Variants in SFT2D2 observed in about 807,000 individuals in gnomAD.
SFT2D2 encodes SFT2 domain containing 2.
In SFT2D2, 21 loss-of-function variants were observed where a neutral mutation model predicts 27.4. That is an observed-to-expected ratio of 0.77 (90% confidence interval 0.54 to 1.10). The LOEUF is 1.10. Ranked by LOEUF, SFT2D2 falls within the 50% of genes least tolerant of loss-of-function variation. The pLI, the probability that SFT2D2 is intolerant of heterozygous loss-of-function variation, is 0.00. For missense variants in SFT2D2, 187 were observed against 194.2 expected (o/e 0.96, Z 0.22); for synonymous variants, 72 against 71.7 (o/e 1.00, Z -0.02).
At chr1:168,229,096 T>G (rs187480064) in intron 1 of SFT2D2, among the ~76,000 whole-genome samples, 174 of 152,194 alleles carry the variant, frequency 1.1e-3, no homozygotes, top group African/African-American at 4.0e-3. Context: ...CAGAGTAACA[T>G]TTGGATGGAT....
intron 1 of SFT2D2, among the ~76,000 whole-genome samples, chr1:168,228,790 C>G (rs190147178): frequency 1.1e-3 from 174 of 152,356 alleles, no homozygotes; most frequent in African/African-American, 4.0e-3. Flanking sequence ...GCCAGTCAGA[C>G]TGCCTGTGAG....
At chr1:168,241,274 G>C (rs2280992) in intron 7 of SFT2D2, among the ~76,000 whole-genome samples, 88,202 of 144,788 alleles carry the variant, frequency 0.61, 26,979 homozygotes, top group Non-Finnish European at 0.67. Context: ...GTGGCCCGAT[G>C]TCAGCTCACC....
At position 168,242,647 on chromosome 1, in the gene SFT2D2, C is replaced by A; in HGVS notation, c.*107C>A. The A allele has an allele frequency of 7.5e-7, 1 of 1,340,144 alleles. No homozygotes were observed. The highest frequency in any genetic ancestry group is 1.1e-6 in the Non-Finnish European group (1 of 932,178). The allele number at this position is 1,340,144 out of a possible 1,614,324, so 83.0% of individuals were successfully genotyped here. On this transcript the variant is annotated 3_prime_UTR_variant, in exon 8 of 8. Transcript: ENST00000271375. ...TGTCTTACAGACATGTGCCTTTTAT[C>A]TTGCAGCAATGTGTTGCTTGTGATT...
In SFT2D2 at chr1:168,235,143, G is replaced by C. The variant is rs1293859319; in HGVS notation, c.279G>C (p.Met93Ile). 1 of 1,614,080 alleles carries C rather than the reference G, an allele frequency of 6.2e-7. No homozygotes were observed. The highest frequency in any genetic ancestry group is 1.7e-5 in the Admixed American group (1 of 60,010). The change falls in exon 4 of 8, where the codon ATG becomes ATC. Residue 93 changes from methionine to isoleucine, a missense_variant. Physicochemically the swap from Met to Ile is conservative, Grantham distance 10 (BLOSUM62 1). Coordinates refer to ENST00000271375, the MANE Select transcript of SFT2D2 (RefSeq NM_199344.3). ...LMGPVKQLKR[M>I]FEPTRLIATI... Reference sequence around the variant, plus strand: ...GACCAGTGAAACAGCTGAAGCGAATGTTTGAGCCTACTCGTTTGATTGCAA... The same window carrying C: ...GACCAGTGAAACAGCTGAAGCGAATCTTTGAGCCTACTCGTTTGATTGCAA...
At position 168,243,482 on chromosome 1, in the gene SFT2D2, A is replaced by T. The variant is rs953616963; in HGVS notation, c.*942A>T. 6.6e-6 allele frequency: 1 copy of T among 152,212 alleles called. No individual in the cohort carries two copies. The highest frequency in any genetic ancestry group is 1.5e-5 in the Non-Finnish European group (1 of 68,070). 9.4% of individuals were successfully genotyped at this position (152,212 alleles called of 1,614,324 possible). A position where few individuals can be genotyped will look rare whatever the true frequency, so the allele number is the denominator to read the frequency against. ...GATCCCTGCTGTGCAGCCAGCAGGAAGTAGGCACGCCTGCCCAGTGACCTT... is the reference window on the plus strand; with the variant it reads ...GATCCCTGCTGTGCAGCCAGCAGGATGTAGGCACGCCTGCCCAGTGACCTT... On this transcript the variant is annotated 3_prime_UTR_variant, in exon 8 of 8. Coordinates refer to ENST00000271375, the MANE Select transcript of SFT2D2 (RefSeq NM_199344.3).
Position 168,226,016 on chromosome 1 carries a change from C to T in SFT2D2, c.-64C>T, listed in dbSNP as rs1214192080. On this transcript the variant is annotated 5_prime_UTR_variant, in exon 1 of 8. Transcript: ENST00000271375. ...GCGGCTGCCTAGCACCCGGAAGAGC[C>T]GTCAACTTAGCGAGCGCAACAGGCT... is the stretch of plus-strand genomic sequence containing the variant. 23 of 1,426,656 alleles carry T rather than the reference C, an allele frequency of 1.6e-5. No homozygotes were observed. The highest frequency in any genetic ancestry group is 2.0e-5 in the Non-Finnish European group (22 of 1,073,880). The allele number at this position is 1,426,656 out of a possible 1,614,324, so 88.4% of individuals were successfully genotyped here. A position where few individuals can be genotyped will look rare whatever the true frequency, so the allele number is the denominator to read the frequency against.
At position 168,249,775 on chromosome 1, in the gene SFT2D2, T is replaced by C. The variant is rs1163820788; in HGVS notation, c.*7235T>C. On this transcript the variant is annotated 3_prime_UTR_variant, in exon 8 of 8. Transcript: ENST00000271375. ...GGAATAACAGTTCCTGCTGGGTCAT[T>C]GCAAGATGTCAGTGAGACGTGTCAA... The C allele has an allele frequency of 6.6e-6, 1 of 152,418 alleles. No homozygotes were observed. Among genetic ancestry groups the C allele is most frequent in the Non-Finnish European group, 1.5e-5 (1 of 68,048 alleles). 9.4% of individuals were successfully genotyped at this position (152,418 alleles called of 1,614,324 possible).
At chr1:168,239,035 C>A in intron 6 of SFT2D2, 96 bp from the exon 7 acceptor site, 1 of 918,082 alleles carries the variant, frequency 1.1e-6, no homozygotes, top group Non-Finnish European at 1.8e-6. Context: ...CTGGATAGAT[C>A]ACTGCAGGTA....
intron 4 of SFT2D2, 48 bp downstream of exon 4, chr1:168,235,230 C>G: frequency 6.5e-7 from 1 of 1,543,830 alleles, no homozygotes; most frequent in Non-Finnish European, 9.0e-7. Flanking sequence ...GTTTTTATTT[C>G]TATTGTATAG....
intron 1 of SFT2D2, among the ~76,000 whole-genome samples, chr1:168,227,594 ATT>A (rs1700474883): frequency 6.6e-6 from 1 of 152,108 alleles, no homozygotes; most frequent in African/African-American, 2.4e-5. Context: ...TGTTGCCTTT[ATT>A]AATTGGTCAA....
chr1:168,234,152 C>T (rs568857780), intron 3 of SFT2D2, among the ~76,000 whole-genome samples: 2 of 152,274 alleles, frequency 1.3e-5, no homozygotes, highest in African/African-American at 2.4e-5. Flanking sequence ...AATTCCAGCA[C>T]TTTGGGAGGC....
At chr1:168,236,277 A>G (rs972961360) in intron 4 of SFT2D2, among the ~76,000 whole-genome samples, 3 of 152,234 alleles carry the variant, frequency 2.0e-5, no homozygotes, top group African/African-American at 7.2e-5. Flanking sequence ...TGTTAAGCTT[A>G]CTTTAGTGCA....
At chr1:168,232,993 G>A (rs1443560445) in intron 3 of SFT2D2, among the ~76,000 whole-genome samples, 1 of 152,130 alleles carries the variant, frequency 6.6e-6, no homozygotes. Flanking sequence ...CCACTGAGCT[G>A]TAGAGCCATT....
intron 1 of SFT2D2, among the ~76,000 whole-genome samples, chr1:168,227,284 GT>G (rs1700472420): frequency 6.6e-6 from 1 of 152,120 alleles, no homozygotes; most frequent in Non-Finnish European, 1.5e-5. Context: ...TTTAGCCTCC[GT>G]TCCCCATCTG....
Position 168,246,518 on chromosome 1 carries a change from TGA to T in SFT2D2, c.*3980_*3981del. 6.7e-7 allele frequency: 1 copy of T among 1,483,062 alleles called. No homozygotes were observed. Among genetic ancestry groups the T allele is most frequent in the Non-Finnish European group, 9.2e-7 (1 of 1,087,576 alleles). The allele number at this position is 1,483,062 out of a possible 1,614,324, so 91.9% of individuals were successfully genotyped here. ...TCTCTTGTGTTATGGAGCTCAGTTT[TGA>T]GGCACCTGGACTTACTCTCAGCTTT... On this transcript the variant is annotated 3_prime_UTR_variant, in exon 8 of 8. Transcript: ENST00000271375.
intron 1 of SFT2D2, among the ~76,000 whole-genome samples, chr1:168,230,630 C>T (rs1234597924): frequency 6.6e-6 from 1 of 152,180 alleles, no homozygotes; most frequent in Non-Finnish European, 1.5e-5. Flanking sequence ...TGCACCACCA[C>T]ACCTGGCTAA....
chr1:168,227,017 A>G (rs1472369478), intron 1 of SFT2D2, among the ~76,000 whole-genome samples: 1 of 151,922 alleles, frequency 6.6e-6, no homozygotes, highest in Admixed American at 6.6e-5. Flanking sequence ...ACGAGGTTTC[A>G]CCATCTTGGC....
intron 7 of SFT2D2, 21 bp downstream of exon 7, chr1:168,239,181 A>G (rs756873866): frequency 6.3e-7 from 1 of 1,575,866 alleles, no homozygotes; most frequent in Non-Finnish European, 8.7e-7. Context: ...GTATTTGGAA[A>G]TAATGATTTC....
chr1:168,231,566 C>A lies in SFT2D2; in HGVS notation c.116C>A (p.Ala39Glu). ...AGTACCAGGATAAAAGGCTTCATTG[C>A]GTGTTTTGCTATAGGAATTCTCTGC... ...SWSTRIKGFI[A>E]CFAIGILCSL... The change falls in exon 2 of 8, where the codon GCG becomes GAG. Residue 39 changes from alanine to glutamate, a missense_variant. By Grantham distance (107) the Ala-to-Glu change is moderately radical. Transcript: ENST00000271375. The A allele has an allele frequency of 1.2e-6, 2 of 1,613,848 alleles. No homozygotes were observed. The highest frequency in any genetic ancestry group is 1.7e-6 in the Non-Finnish European group (2 of 1,179,984).
Sources: gnomAD v4.1 joint callset for allele counts (sites outside exome capture counted in the v4.1 genomes callset) on GRCh38, gnomAD v4.1.1 for gene constraint, MANE v1.5 for transcripts, NCBI Gene and HGNC (gene_info 2026-07-23, HGNC 2026-07-21) for gene names.